Variants in ODAD4 observed in about 807,000 individuals in gnomAD.
ODAD4 encodes the protein outer dynein arm-docking complex subunit 4.
In ODAD4, 49 loss-of-function variants were observed where a neutral mutation model predicts 51.8. That is an observed-to-expected ratio of 0.95 (90% CI 0.75 to 1.20). The LOEUF is 1.20. ODAD4 is among the 50% of genes most tolerant of loss of function. The pLI is 0.00. For synonymous variants in ODAD4, 235 were observed against 221.3 expected, an observed-to-expected ratio of 1.06 and a Z score of -0.55; for missense variants, 590 against 586.5, an observed-to-expected ratio of 1.01 and a Z score of -0.06.
chr17:41,947,184 G>A (rs1490885434), intron 8 of ODAD4, among the ~76,000 whole-genome samples: 9 of 150,260 alleles, frequency 6.0e-5, no homozygotes, highest in East Asian at 2.0e-4. Flanking sequence ...AATAATAAGC[G>A]CAGGCCAGGC....
intron 10 of ODAD4, among the ~76,000 whole-genome samples, chr17:41,960,214 C>A (rs1363087413): frequency 1.3e-5 from 2 of 152,172 alleles, no homozygotes; most frequent in African/African-American, 4.8e-5. Flanking sequence ...CACCTGTCAT[C>A]CCAGCACTTT....
At chr17:41,933,811 C>A (rs184378877) in intron 1 of ODAD4, among the ~76,000 whole-genome samples, 6 of 151,246 alleles carry the variant, frequency 4.0e-5, no homozygotes, top group Non-Finnish European at 7.4e-5. Context: ...GAGACTCTGT[C>A]TCAAAAAAGA....
At chr17:41,957,621 C>G (rs2050750703) in intron 10 of ODAD4, among the ~76,000 whole-genome samples, 1 of 152,140 alleles carries the variant, frequency 6.6e-6, no homozygotes, top group African/African-American at 2.4e-5. Context: ...TTATTACTTC[C>G]TGGCTGTCTC....
intron 7 of ODAD4, among the ~76,000 whole-genome samples, chr17:41,942,790 T>C (rs1567932109): frequency 6.6e-6 from 1 of 152,136 alleles, no homozygotes; most frequent in Admixed American, 6.6e-5. Flanking sequence ...GTGGGAGGTC[T>C]GGATGCCATG....
At chr17:41,964,217 T>C (rs1373431553) in intron 11 of ODAD4, among the ~76,000 whole-genome samples, 2 of 151,992 alleles carry the variant, frequency 1.3e-5, no homozygotes, top group Admixed American at 6.6e-5. Context: ...CCTGCCACCA[T>C]GCCCAGCTTA....
At chr17:41,961,700 C>T (rs1555641767) in intron 11 of ODAD4, among the ~76,000 whole-genome samples, 1 of 152,240 alleles carries the variant, frequency 6.6e-6, no homozygotes, top group East Asian at 1.9e-4. Context: ...TCATTTCTCT[C>T]TTCAATTGAT....
At chr17:41,935,816 G>C in intron 3 of ODAD4, 67 bp downstream of exon 3, 2 of 1,583,480 alleles carry the variant, frequency 1.3e-6, no homozygotes, top group East Asian at 4.5e-5. Context: ...TTAGAGGAAG[G>C]TTGAGTCACA....
intron 11 of ODAD4, among the ~76,000 whole-genome samples, chr17:41,964,717 C>T (rs536511976): frequency 3.9e-5 from 6 of 152,176 alleles, no homozygotes; most frequent in Admixed American, 3.3e-4. Context: ...GATTTTGGCT[C>T]ATCACAGCCC....
rs782417385 is a variant in ODAD4, at chr17:41,930,678, C to T, written c.-46C>T. The T allele has an allele frequency of 2.3e-6, 3 of 1,298,382 alleles. No homozygotes were observed. Among genetic ancestry groups the T allele is most frequent in the Middle Eastern group, 3.6e-4 (2 of 5,498 alleles). The allele number at this position is 1,298,382 out of a possible 1,614,324, so 80.4% of individuals were successfully genotyped here. ...CACAAACCAGATAGAGGTTCTCCAG[C>T]TTTTCTTTGATTGTCTCTGCTTTAG... On this transcript the variant is annotated 5_prime_UTR_variant, in exon 1 of 12. Coordinates refer to ENST00000377540, the MANE Select transcript of ODAD4 (RefSeq NM_031421.5).
rs182186116 is a variant in ODAD4 at position 41,944,660 on chromosome 17, G to A, written c.1059-476G>A. On this transcript the variant is annotated intron_variant, in intron 7 of 11. Coordinates refer to ENST00000377540, the MANE Select transcript of ODAD4 (RefSeq NM_031421.5). ...ATAAAAATTAGCTGGGTGTGGTGGC[G>A]GGCACCTGTAATCCCAGCAACTCAG... Among the ~76,000 whole-genome samples the A allele has an allele frequency of 1.5e-3, 233 of 151,392 alleles. 3 individuals are homozygous for A. Among genetic ancestry groups the A allele is most frequent in the African/African-American group, 5.3e-3 (220 of 41,260 alleles).
At chr17:41,938,815 C>A (rs536196445) in intron 6 of ODAD4, 34 bp downstream of exon 6, 2 of 1,604,324 alleles carry the variant, frequency 1.2e-6, no homozygotes, top group African/African-American at 2.7e-5. Flanking sequence ...GGGCAGGTGC[C>A]TCCAGTGCCT....
At chr17:41,959,694 C>T (rs1555641440) in intron 10 of ODAD4, among the ~76,000 whole-genome samples, 1 of 152,144 alleles carries the variant, frequency 6.6e-6, no homozygotes, top group Non-Finnish European at 1.5e-5. Flanking sequence ...GGGGGGTTCC[C>T]GGTGGCGGGG....
chr17:41,933,672 G>A (rs1555637284), intron 1 of ODAD4, among the ~76,000 whole-genome samples: 1 of 151,944 alleles, frequency 6.6e-6, no homozygotes, highest in Non-Finnish European at 1.5e-5. Context: ...AAATTAGCCA[G>A]GTGTGGTGGC....
Position 41,949,322 on chromosome 17 carries a change from G to A in ODAD4, c.1315G>A (p.Ala439Thr). 2.5e-6 allele frequency: 1 copy of A among 398,644 alleles called. No homozygotes were observed. The highest frequency in any genetic ancestry group is 4.4e-6 in the Non-Finnish European group (1 of 226,122). The allele number at this position is 398,644 out of a possible 1,614,324, so 24.7% of individuals were successfully genotyped here. The change falls in exon 9 of 12, where the codon GCC (alanine) becomes ACC (threonine). Residue 439 changes from alanine (A) to threonine (T), a missense_variant. By Grantham distance (58) the Ala-to-Thr change is moderately conservative. Around this residue, in one of 3 missense-constraint regions of ODAD4, gnomAD observed 226 missense variants for 162.7 expected, o/e 1.39. Transcript: ENST00000377540. ...EEGDIEWQLN[A>T]SVLVAQAQVK... ...AGGGGACATTGAGTGGCAACTGAAT[G>A]CCAGTGTTCTGGTGGCCCAGGCACA...
In ODAD4 at chr17:41,945,130, C is replaced by A; in HGVS notation, c.1059-6C>A. 6.2e-7 allele frequency: 1 copy of A among 1,611,578 alleles called. No homozygotes were observed. On this transcript the variant is annotated splice_polypyrimidine_tract_variant and splice_region_variant and intron_variant, in intron 7 of 11. Coordinates refer to ENST00000377540, the MANE Select transcript of ODAD4 (RefSeq NM_031421.5). Reference sequence around the variant, plus strand: ...GTGAATGGCTTGTTTTGCTTCTTCCCCACAGTGACCTTCCTGATGCAAAAT... The same window carrying A: ...GTGAATGGCTTGTTTTGCTTCTTCCACACAGTGACCTTCCTGATGCAAAAT...
rs782515021 is a variant in ODAD4 at position 41,936,873 on chromosome 17, C to G, written c.571C>G (p.Leu191Val). Residue 191 changes from leucine to valine, a missense_variant, in exon 5 of 12, where the codon CTG becomes GTG. Physicochemically the swap from Leu to Val is conservative, Grantham distance 32. Around this residue, in one of 3 missense-constraint regions of ODAD4, gnomAD observed 360 missense variants for 407.5 expected, o/e 0.88. Coordinates refer to ENST00000377540, the MANE Select transcript of ODAD4 (RefSeq NM_031421.5). ...GAGTGAGAAGACTGTCCGCCAGCTT[C>G]TGGGGGAGCTCTACGTGGACAAAGA... is the stretch of plus-strand genomic sequence containing the variant. ...LKSEKTVRQL[L>V]GELYVDKEYL... The G allele has an allele frequency of 3.7e-6, 6 of 1,613,868 alleles. No individual in the cohort carries two copies. The African/African-American group carries it at 5.3e-5, about 14-fold the overall frequency.
At chr17:41,948,231 A>C (rs1005118766) in intron 8 of ODAD4, among the ~76,000 whole-genome samples, 7 of 150,514 alleles carry the variant, frequency 4.7e-5, no homozygotes, top group African/African-American at 1.7e-4. Context: ...TTCTAATCCT[A>C]CTCTTTTATT....
In ODAD4 at chr17:41,965,350, G is replaced by A. The variant is rs1237605918; in HGVS notation, c.1886G>A (p.Arg629Lys). The change falls in exon 12 of 12, where the codon AGA becomes AAA. Residue 629 changes from arginine to lysine, a missense_variant. Physicochemically the swap from Arg to Lys is conservative, Grantham distance 26. Transcript: ENST00000377540. ...CAAAGACTCTCAGGAGAATTCAGCA[G>A]ACAGGAACCAGAAGAACTAAAGAAA... ...LEQRLSGEFS[R>K]QEPEELKKLS... 1 of 780,592 alleles carries A rather than the reference G, an allele frequency of 1.3e-6. No individual in the cohort carries two copies. The highest frequency in any genetic ancestry group is 2.4e-6 in the Non-Finnish European group (1 of 417,976). The allele number at this position is 780,592 out of a possible 1,614,324, so 48.4% of individuals were successfully genotyped here.
chr17:41,939,267 C>A, intron 7 of ODAD4, 95 bp downstream of exon 7: 5 of 1,230,082 alleles, frequency 4.1e-6, no homozygotes, highest in Middle Eastern at 2.8e-4. Context: ...TGGCTTGACT[C>A]CCATTTTCTG....
Sources: gnomAD v4.1 joint callset for allele counts (sites outside exome capture counted in the v4.1 genomes callset) on GRCh38, gnomAD v4.1.1 for gene constraint, gnomAD v4.1.1 regional missense constraint, MANE v1.5 for transcripts, NCBI Gene and HGNC (gene_info 2026-07-23, HGNC 2026-07-21) for gene names.